Variants in THOC1 observed in about 807,000 individuals in gnomAD.
THOC1 encodes THO complex 1.
THOC1 carries 29 observed loss-of-function variants against 97.3 expected under a neutral mutation model. That is an observed-to-expected ratio of 0.30 (90% CI 0.22 to 0.41). THOC1 has a LOEUF of 0.41. Ranked by LOEUF, THOC1 falls within the 10% of genes least tolerant of loss-of-function variation. The pLI, the probability that THOC1 is intolerant of heterozygous loss-of-function variation, is 1.00. For synonymous variants in THOC1, 255 were observed against 257.0 expected (o/e 0.99, Z 0.07); for missense variants, 529 against 761.9 (o/e 0.69, Z 3.60).
At chr18:253,536 TACA>T (rs1252124167) in intron 8 of THOC1, among the ~76,000 whole-genome samples, 4 of 152,228 alleles carry the variant, frequency 2.6e-5, no homozygotes, top group African/African-American at 9.6e-5. Context: ...TTTGTACATA[TACA>T]CAAAAAGTCC....
rs1250576825 is a variant in THOC1, at chr18:214,621, A to AG, written c.*4dup. On this transcript the variant is annotated 3_prime_UTR_variant, in exon 21 of 21. Coordinates refer to ENST00000261600, the MANE Select transcript of THOC1 (RefSeq NM_005131.3). ...CAGTTTTAATAAAAAGAAAAAAAAA[A>AG]GAAGCTAACTATTTGTCTCATTGTC... 1.9e-6 allele frequency: 3 copies of AG among 1,583,324 alleles called. No individual in the cohort carries two copies. The highest frequency in any genetic ancestry group is 2.6e-6 in the Non-Finnish European group (3 of 1,166,730).
At chr18:260,152 T>TA (rs1912559769) in intron 5 of THOC1, 34 bp downstream of exon 5, 2 of 1,349,056 alleles carry the variant, frequency 1.5e-6, no homozygotes, top group African/African-American at 1.5e-5. Flanking sequence ...TATAGAAAGA[T>TA]AAAGTTAGCA....
At position 242,219 on chromosome 18, in the gene THOC1, G is replaced by A. The variant is rs1911928907; in HGVS notation, c.918+4105C>T. The stretch of plus-strand genomic sequence containing the variant: ...TGGCTGGGCGTGGTGGCTCACGCCT[G>A]TAATCCCTGCACTTTGGAAGGCTGA... On this transcript the variant is annotated intron_variant, in intron 11 of 20. Coordinates refer to ENST00000261600, the MANE Select transcript of THOC1 (RefSeq NM_005131.3). This position sits in a 1 kb window ranked among gnomAD's most constrained non-coding sequence, Gnocchi z 4.5. Among the ~76,000 whole-genome samples, 3 of 151,626 alleles carry A rather than the reference G, an allele frequency of 2.0e-5. No individual in the cohort carries two copies. The South Asian group carries it at 6.2e-4, about 31-fold the overall frequency.
At chr18:262,504 G>C (rs1454507806) in intron 4 of THOC1, among the ~76,000 whole-genome samples, 2 of 152,188 alleles carry the variant, frequency 1.3e-5, no homozygotes, top group African/African-American at 4.8e-5. Context: ...CTTCTCAAAA[G>C]TTCCAAGTAT....
chr18:236,510 C>T (rs1400655258), intron 11 of THOC1, among the ~76,000 whole-genome samples: 13 of 151,478 alleles, frequency 8.6e-5, no homozygotes, highest in Admixed American at 7.2e-4. Flanking sequence ...GCGCCCGCTA[C>T]CACGCCCGGC....
chr18:216,675 T>C, intron 18 of THOC1, 42 bp from the exon 19 acceptor site: 1 of 1,593,734 alleles, frequency 6.3e-7, no homozygotes, highest in South Asian at 1.1e-5. Flanking sequence ...TAGCTTTGTA[T>C]TTCTGTATTC....
Position 254,268 on chromosome 18 carries a change from C to G in THOC1, c.603+5G>C. ...TTATCTGAGAAGATTTCAAATCAGC[C>G]TCACCTTCTGACCCAGGGTGCTTTC... is the stretch of plus-strand genomic sequence containing the variant. On this transcript the variant is annotated splice_donor_5th_base_variant and intron_variant, in intron 8 of 20. Coordinates refer to ENST00000261600, the MANE Select transcript of THOC1 (RefSeq NM_005131.3). This position sits in a 1 kb window ranked among gnomAD's most constrained non-coding sequence, Gnocchi z 4.1. The G allele has an allele frequency of 6.4e-7, 1 of 1,567,062 alleles. No individual in the cohort carries two copies. Among genetic ancestry groups the G allele is most frequent in the Non-Finnish European group, 8.7e-7 (1 of 1,151,756 alleles).
chr18:224,839 A>G (rs1352237209), intron 15 of THOC1, 85 bp downstream of exon 15: 4 of 1,076,972 alleles, frequency 3.7e-6, no homozygotes, highest in Non-Finnish European at 5.5e-6. Context: ...TACATGCTAT[A>G]ATCATATCGG....
intron 11 of THOC1, among the ~76,000 whole-genome samples, chr18:233,503 T>C (rs1026644475): frequency 3.3e-5 from 5 of 152,188 alleles, no homozygotes; most frequent in Admixed American, 1.3e-4. Flanking sequence ...AGAGAATCAC[T>C]TGAACCCAGG....
intron 3 of THOC1, 83 bp downstream of exon 3, chr18:265,220 C>A (rs548641673): frequency 1.9e-6 from 2 of 1,067,564 alleles, no homozygotes; most frequent in Admixed American, 5.8e-5. Context: ...TTTAAATATC[C>A]ATTCTAAGAA....
At chr18:223,374 G>A in intron 17 of THOC1, 66 bp downstream of exon 17, 1 of 1,314,384 alleles carries the variant, frequency 7.6e-7, no homozygotes, top group East Asian at 2.6e-5. Flanking sequence ...TCATAGCTGA[G>A]AAAAGGCTCC....
Position 214,619 on chromosome 18 carries a change from AAAG to A in THOC1, c.*4_*6del, listed in dbSNP as rs1335349080. On this transcript the variant is annotated 3_prime_UTR_variant, in exon 21 of 21. Transcript: ENST00000261600. ...CACAGTTTTAATAAAAAGAAAAAAA[AAAG>A]AAGCTAACTATTTGTCTCATTGTCA... 19 of 1,584,916 alleles carry A rather than the reference AAAG, an allele frequency of 1.2e-5. No homozygotes were observed. Among genetic ancestry groups the A allele is most frequent in the African/African-American group, 1.4e-5 (1 of 73,390 alleles).
chr18:236,253 T>C (rs896876340), intron 11 of THOC1, among the ~76,000 whole-genome samples: 1 of 152,108 alleles, frequency 6.6e-6, no homozygotes, highest in South Asian at 2.1e-4. Flanking sequence ...TTATTTTCCA[T>C]GTAAGTTTTA....
intron 4 of THOC1, 59 bp from the exon 5 acceptor site, chr18:260,363 A>G (rs1912566246): frequency 1.9e-6 from 2 of 1,057,914 alleles, no homozygotes; most frequent in African/African-American, 1.7e-5. Context: ...AGAATAGCCT[A>G]TGAAAAATAA....
chr18:222,227 AAAT>A lies in THOC1; in HGVS notation c.1370+1210_1370+1212del, dbSNP rs146842146. Among the ~76,000 whole-genome samples, 4,236 of 152,278 alleles carry A rather than the reference AAAT, an allele frequency of 0.028. 355 individuals carry two copies. The East Asian group carries it at 0.31, about 11-fold the overall frequency. On this transcript the variant is annotated intron_variant, in intron 17 of 20. Transcript: ENST00000261600. ...CAAGTTTACCTTTTAAAATAACCCT[AAAT>A]AATAATTATTACTATTTTATAACAG...
chr18:256,376 C>G (rs1413389027), intron 7 of THOC1, among the ~76,000 whole-genome samples: 2 of 152,126 alleles, frequency 1.3e-5, no homozygotes, highest in Non-Finnish European at 2.9e-5. Flanking sequence ...TCGAGGGGTT[C>G]AAGACTTCAG....
At chr18:260,128 C>G in intron 5 of THOC1, 58 bp downstream of exon 5, 3 of 1,147,140 alleles carry the variant, frequency 2.6e-6, no homozygotes, top group Non-Finnish European at 3.5e-6. Context: ...AATCTACCCT[C>G]AGAATTCTGG....
At chr18:218,790 A>G (rs1910982274) in intron 18 of THOC1, 96 bp downstream of exon 18, 1 of 956,162 alleles carries the variant, frequency 1.0e-6, no homozygotes, top group South Asian at 1.6e-5. Flanking sequence ...TATTCTATCT[A>G]CTGCCTCTCT....
chr18:216,644 A>T lies in THOC1; in HGVS notation c.1455-11T>A. ...GAATTGTTCACAGCCCTATAAAAAG[A>T]GGTGTCAGGCTTGTAATTTATAGCT... On this transcript the variant is annotated splice_polypyrimidine_tract_variant and intron_variant, in intron 18 of 20. Transcript: ENST00000261600. The T allele has an allele frequency of 6.2e-7, 1 of 1,608,368 alleles. No individual in the cohort carries two copies. Among genetic ancestry groups the T allele is most frequent in the Non-Finnish European group, 8.5e-7 (1 of 1,177,312 alleles).
Sources: allele counts gnomAD v4.1 joint callset (sites outside exome capture counted in the v4.1 genomes callset), GRCh38; gene constraint gnomAD v4.1.1; non-coding constraint Gnocchi (gnomAD v3.1); transcripts MANE v1.5; gene names NCBI Gene and HGNC (gene_info 2026-07-23, HGNC 2026-07-21).